LEMD2: variants seen among roughly 807,000 people sequenced by gnomAD.
LEMD2 encodes the protein LEM domain nuclear envelope protein 2.
A neutral mutation model predicts 58.8 loss-of-function variants in LEMD2; 34 were observed. The observed-to-expected ratio is 0.58, with a 90% confidence interval of 0.44 to 0.77. LEMD2 has a LOEUF of 0.77. Among genes scored for constraint, LEMD2 ranks in the 30% least tolerant of loss-of-function variants. The probability of loss-of-function intolerance (pLI) is 0.00; values close to 1 mark genes in which losing one functional copy is unlikely to be tolerated. For synonymous variants in LEMD2, 298 were observed against 308.9 expected, an observed-to-expected ratio of 0.96 and a Z score of 0.37; for missense variants, 629 against 717.9, an observed-to-expected ratio of 0.88 and a Z score of 1.42.
At chr6:33,785,483 C>G (rs1767657416) in intron 2 of LEMD2, among the ~76,000 whole-genome samples, 1 of 152,194 alleles carries the variant, frequency 6.6e-6, no homozygotes, top group African/African-American at 2.4e-5. Flanking sequence ...TGGGCTCACT[C>G]AAGTGGAGCC....
intron 1 of LEMD2, among the ~76,000 whole-genome samples, chr6:33,788,142 G>C (rs906047035): frequency 1.3e-5 from 2 of 152,264 alleles, no homozygotes; most frequent in African/African-American, 4.8e-5. Context: ...GGAGACGTTA[G>C]AAGGGAGGGC....
intron 8 of LEMD2, 144 bp downstream of exon 8, chr6:33,776,810 A>G: frequency 1.5e-6 from 1 of 672,408 alleles, no homozygotes; most frequent in Middle Eastern, 3.9e-4. Flanking sequence ...GAGCAGCAGG[A>G]GTGGGAGCAG....
chr6:33,781,980 A>T (rs975485668), intron 3 of LEMD2: 2 of 152,284 alleles, frequency 1.3e-5, no homozygotes, highest in African/African-American at 4.8e-5. Context: ...GTGGCCAGTG[A>T]GTGTGTTTCT....
intron 3 of LEMD2, among the ~76,000 whole-genome samples, chr6:33,783,261 C>A (rs913542633): frequency 9.2e-5 from 14 of 152,180 alleles, no homozygotes; most frequent in African/African-American, 2.9e-4. Context: ...TGAGCAGGAG[C>A]CCCAGTACCT....
chr6:33,780,055 T>C (rs1215978284), intron 5 of LEMD2, 45 bp downstream of exon 5: 1 of 1,480,658 alleles, frequency 6.8e-7, no homozygotes, highest in Non-Finnish European at 9.3e-7. Flanking sequence ...GCGAGGACAG[T>C]GGTTGCAGGC....
In LEMD2 at chr6:33,778,291, C is replaced by T; in HGVS notation, c.1107G>A (p.Leu369=). The change falls in exon 6 of 9, where the codon CTG becomes CTA. Residue 369 remains leucine (L), a synonymous_variant. Transcript: ENST00000293760. This position sits in a 1 kb window ranked among gnomAD's most constrained non-coding sequence, Gnocchi z 4.7. ...TGACAGCAGTGAGCAAGGCCCGGCT[C>T]AGGCGGCAGCCAACACCCATGCGGG... The part of the protein sequence containing the change: ...AHPRMGVGCR[L]SRALLTAVTN... 1.2e-6 allele frequency: 2 copies of T among 1,609,654 alleles called. No individual in the cohort carries two copies. Among genetic ancestry groups the T allele is most frequent in the Non-Finnish European group, 8.5e-7 (1 of 1,177,634 alleles).
Position 33,788,852 on chromosome 6 carries a change from GC to G in LEMD2, c.264del (p.Trp88CysfsTer28). The G allele has an allele frequency of 7.2e-7, 1 of 1,393,146 alleles. No individual in the cohort carries two copies. The highest frequency in any genetic ancestry group is 9.3e-7 in the Non-Finnish European group (1 of 1,080,180). 86.3% of individuals were successfully genotyped at this position (1,393,146 alleles called of 1,614,324 possible). ...GCCGAGCCCGAGGCCGGCTGGGAGA[GC>G]CAGGGCTCCGCCCGCGGAGAGGCCG... ...PAAASPRAEP[W>X]LSQPASGSAY... On this transcript the variant is annotated frameshift_variant, in exon 1 of 9. Transcript: ENST00000293760. LOFTEE classifies it high-confidence loss of function.
rs1179581775 is a variant in LEMD2 at position 33,772,743 on chromosome 6, T to G, written c.1397A>C (p.Glu466Ala). ...RMKRVWDRAVEFLASNESRIQ... is the reference protein window; with the variant it reads ...RMKRVWDRAVAFLASNESRIQ... The stretch of plus-strand genomic sequence containing the variant: ...CCGGGATTCGTTGGAGGCCAGGAAC[T>G]CCACAGCTCGGTCCCAGACACGCTT... Residue 466 changes from glutamate to alanine, a missense_variant, in exon 9 of 9, where the codon GAG becomes GCG. Transcript: ENST00000293760. The G allele has an allele frequency of 6.2e-7, 1 of 1,613,922 alleles. No individual in the cohort carries two copies. Among genetic ancestry groups the G allele is most frequent in the South Asian group, 1.1e-5 (1 of 91,076 alleles).
At position 33,780,102 on chromosome 6, in the gene LEMD2, G is replaced by A; in HGVS notation, c.1008C>T (p.Ile336=). ...GTCGCCACCCTGCCCACACTCACCA[G>A]ATGCCCACGTCCTTGTTACTGCTCA... ...WILSSNKDVG[I]WLKGEDQSEL... The change falls in exon 5 of 9, where the codon ATC becomes ATT. Residue 336 remains isoleucine, a splice_region_variant and synonymous_variant. Transcript: ENST00000293760. 6.3e-7 allele frequency: 1 copy of A among 1,588,164 alleles called. No homozygotes were observed. Among genetic ancestry groups the A allele is most frequent in the Non-Finnish European group, 8.6e-7 (1 of 1,165,870 alleles).
In LEMD2 at chr6:33,788,369, C is replaced by A. The variant is rs767070890; in HGVS notation, c.736+12G>T. The A allele has an allele frequency of 3.9e-6, 6 of 1,557,942 alleles. No individual in the cohort carries two copies. The African/African-American group carries it at 8.2e-5, about 21-fold the overall frequency. ...CGCCCAGGGCCCTCCCCTGCGCCGG[C>A]CCAGGACGTACTGTTGTCCTCCGCC... On this transcript the variant is annotated intron_variant, in intron 1 of 8. Transcript: ENST00000293760.
At position 33,777,192 on chromosome 6, in the gene LEMD2, G is replaced by A. The variant is rs1419855466; in HGVS notation, c.1204C>T (p.Arg402Ter). Residue 402 changes from arginine to a stop codon, truncating the protein, a stop_gained, in exon 7 of 9, where the codon CGA (arginine) becomes TGA (stop). Coordinates refer to ENST00000293760, the MANE Select transcript of LEMD2 (RefSeq NM_181336.4). LOFTEE classifies it high-confidence loss of function. ...GLLILLKYRW[R>*]KLEEEEQAMY... ...GCTTGTTCCTCCTCTTCTAACTTTC[G>A]CCACCGATATTTTAGGAGAATTAGG... is the stretch of plus-strand genomic sequence containing the variant. 2 of 1,614,018 alleles carry A rather than the reference G, an allele frequency of 1.2e-6. No homozygotes were observed. Among genetic ancestry groups the A allele is most frequent in the Non-Finnish European group, 1.7e-6 (2 of 1,179,978 alleles).
chr6:33,773,722 G>A (rs944616696), intron 8 of LEMD2, among the ~76,000 whole-genome samples: 4 of 152,194 alleles, frequency 2.6e-5, no homozygotes, highest in South Asian at 2.1e-4. Flanking sequence ...GAGCTCCAAG[G>A]TGCTGGGTCC....
intron 2 of LEMD2, among the ~76,000 whole-genome samples, chr6:33,785,249 T>G (rs1231734427): frequency 6.6e-6 from 1 of 152,190 alleles, no homozygotes; most frequent in Admixed American, 6.5e-5. Context: ...CGTCCCCACC[T>G]GCTTGTTCCT....
intron 8 of LEMD2, chr6:33,776,715 C>T: frequency 3.7e-6 from 2 of 543,906 alleles, no homozygotes; most frequent in South Asian, 4.1e-5. Context: ...TCACCACTGC[C>T]AGTGTTCTCT....
chr6:33,789,090 C>G lies in LEMD2; in HGVS notation c.27G>C (p.Leu9=). Residue 9 remains leucine (L), a synonymous_variant, in exon 1 of 9, where the codon CTG becomes CTC. Transcript: ENST00000293760. MAGLSDLE[L]RRELQALGFQ... is the part of the protein sequence containing the mutation. The stretch of plus-strand genomic sequence containing the variant: ...AGCCCAGGGCCTGCAGCTCCCGCCG[C>G]AGTTCCAGGTCCGACAGGCCGGCCA... The G allele has an allele frequency of 6.5e-7, 1 of 1,540,648 alleles. No individual in the cohort carries two copies. Among genetic ancestry groups the G allele is most frequent in the South Asian group, 1.2e-5 (1 of 84,774 alleles).
chr6:33,784,477 G>GGGGGGGGGGGGGCCCCCCCCCC, intron 2 of LEMD2, 50 bp from the exon 3 acceptor site: 2 of 430,804 alleles, frequency 4.6e-6, no homozygotes, highest in Non-Finnish European at 9.5e-6. Context: ...GGTGGGAGGG[G>GGGGGGGGGGGGGCCCCCCCCCC]TCCGTCTGTC....
rs1767443576 is a variant in LEMD2, at chr6:33,776,965, A to G, written c.1350T>C (p.Pro450=). 1.2e-6 allele frequency: 2 copies of G among 1,613,316 alleles called. No individual in the cohort carries two copies. ...GILHVRDSLI[P]PQSRRRMKRV... ...AGCCAGGGACTCACCGGCTCTGTGG[A>G]GGGATCAAGCTGTCGCGCACGTGCA... Residue 450 remains proline (P), a synonymous_variant, in exon 8 of 9, where the codon CCT becomes CCC. Transcript: ENST00000293760.
Position 33,772,718 on chromosome 6 carries a change from C to A in LEMD2, c.1422G>T (p.Arg474=), listed in dbSNP as rs1310267792. 1.5e-5 allele frequency: 25 copies of A among 1,613,922 alleles called. No individual in the cohort carries two copies. Among genetic ancestry groups the A allele is most frequent in the Admixed American group, 3.3e-5 (2 of 60,004 alleles). The stretch of plus-strand genomic sequence containing the variant: ...CAACGCGGTGGGACTCCGTCTGGAT[C>A]CGGGATTCGTTGGAGGCCAGGAACT... ...AVEFLASNES[R]IQTESHRVAG... The change falls in exon 9 of 9, where the codon CGG becomes CGT. Residue 474 remains arginine, a synonymous_variant. Transcript: ENST00000293760.
At chr6:33,775,174 G>A (rs1028418781) in intron 8 of LEMD2, among the ~76,000 whole-genome samples, 3 of 152,344 alleles carry the variant, frequency 2.0e-5, no homozygotes, top group South Asian at 2.1e-4. Flanking sequence ...AGGGCCTCAC[G>A]CTGAAACCAA....
Sources: allele counts gnomAD v4.1 joint callset (sites outside exome capture counted in the v4.1 genomes callset), GRCh38; gene constraint gnomAD v4.1.1; non-coding constraint Gnocchi (gnomAD v3.1); transcripts MANE v1.5; gene names NCBI Gene and HGNC (gene_info 2026-07-23, HGNC 2026-07-21).